ADD3: variants seen among roughly 807,000 people sequenced by gnomAD.
ADD3 encodes adducin 3, also known as gamma-adducin.
In ADD3, 25 loss-of-function variants were observed where a neutral mutation model predicts 80.2. That is an observed-to-expected ratio of 0.31 (90% CI 0.23 to 0.44). ADD3 has a LOEUF of 0.44. Among genes scored for constraint, ADD3 ranks in the 20% least tolerant of loss-of-function variants. The probability of loss-of-function intolerance (pLI) is 1.00; values close to 1 mark genes in which losing one functional copy is unlikely to be tolerated. For missense variants in ADD3, 829 were observed against 847.5 expected, an observed-to-expected ratio of 0.98 and a Z score of 0.27; for synonymous variants, 284 against 289.6, an observed-to-expected ratio of 0.98 and a Z score of 0.20.
intron 1 of ADD3, among the ~76,000 whole-genome samples, chr10:110,092,238 A>G (rs553282363): frequency 4.2e-4 from 64 of 152,318 alleles, no homozygotes; most frequent in African/African-American, 5.5e-4. Context: ...AGGAATATAA[A>G]TTATTCTACC....
chr10:110,008,450 G>A (rs563675266), intron 1 of ADD3, 151 bp downstream of exon 1: 159 of 153,102 alleles, frequency 1.0e-3, no homozygotes, highest in African/African-American at 3.8e-3. Flanking sequence ...ACTTCTCATT[G>A]GCTGTCCCTG....
At chr10:110,013,805 T>G (rs1444786962) in intron 1 of ADD3, among the ~76,000 whole-genome samples, 2 of 152,232 alleles carry the variant, frequency 1.3e-5, no homozygotes, top group African/African-American at 4.8e-5. Flanking sequence ...CTCAGCCTGT[T>G]TAACTCTGCC....
At chr10:110,131,073 T>TA (rs962891092) in intron 13 of ADD3, among the ~76,000 whole-genome samples, 3 of 152,210 alleles carry the variant, frequency 2.0e-5, no homozygotes, top group African/African-American at 7.2e-5. Context: ...TGATGCTTTG[T>TA]AAAATCTCTA....
chr10:110,088,428 A>T (rs569151235), intron 1 of ADD3, among the ~76,000 whole-genome samples: 1 of 152,318 alleles, frequency 6.6e-6, no homozygotes, highest in South Asian at 2.1e-4. Flanking sequence ...ACCAAAAAGT[A>T]TTTTTGCAAG....
At chr10:110,113,017 TTA>T (rs1172789082) in intron 3 of ADD3, 102 bp downstream of exon 3, 19 of 1,239,252 alleles carry the variant, frequency 1.5e-5, no homozygotes, top group Non-Finnish European at 2.0e-5. Flanking sequence ...GTCCTTAAGT[TTA>T]TAACATCTAA....
upstream of ADD3, among the ~76,000 whole-genome samples, chr10:110,003,469 T>C (rs1176084172): frequency 6.6e-6 from 1 of 150,820 alleles, no homozygotes; most frequent in Non-Finnish European, 1.5e-5. Flanking sequence ...ATACCTTATA[T>C]TTACATAGTG....
chr10:110,088,209 G>C (rs1394819880), intron 1 of ADD3, among the ~76,000 whole-genome samples: 3 of 152,128 alleles, frequency 2.0e-5, no homozygotes, highest in Non-Finnish European at 4.4e-5. Flanking sequence ...AGCTTCTGGG[G>C]ACATGAATTT....
intron 1 of ADD3, among the ~76,000 whole-genome samples, chr10:110,052,984 C>G (rs1465557777): frequency 6.6e-6 from 1 of 151,986 alleles, no homozygotes; most frequent in Non-Finnish European, 1.5e-5. Context: ...CTGAGGTGGG[C>G]AAAATACCTG....
rs1442106859 is a variant in ADD3, at chr10:110,117,481, TC to T, written c.567+60del. 8.7e-6 allele frequency: 9 copies of T among 1,031,920 alleles called. No individual in the cohort carries two copies. The Admixed American group carries it at 1.6e-4, about 18-fold the overall frequency. 63.9% of individuals were successfully genotyped at this position (1,031,920 alleles called of 1,614,324 possible). A position where few individuals can be genotyped will look rare whatever the true frequency, so the allele number is the denominator to read the frequency against. ...AGCTTTCTTTGGCTTTTCTGACAGT[TC>T]TTAGCTTTTAGCACAGGACAGAATA... On this transcript the variant is annotated intron_variant, in intron 5 of 14. Transcript: ENST00000356080.
intron 9 of ADD3, 31 bp from the exon 10 acceptor site, chr10:110,123,986 A>G: frequency 1.9e-6 from 3 of 1,604,324 alleles, no homozygotes; most frequent in Non-Finnish European, 2.6e-6. Context: ...TACAGGTTTG[A>G]TGCTTCAAAT....
intron 9 of ADD3, among the ~76,000 whole-genome samples, chr10:110,122,708 A>G (rs1851670103): frequency 6.6e-6 from 1 of 151,650 alleles, no homozygotes; most frequent in South Asian, 2.1e-4. Flanking sequence ...TGCAGTCTCA[A>G]CCTGCTGGGC....
At chr10:110,067,594 T>G (rs1210842320) in intron 1 of ADD3, among the ~76,000 whole-genome samples, 1 of 152,224 alleles carries the variant, frequency 6.6e-6, no homozygotes, top group African/African-American at 2.4e-5. Flanking sequence ...TGAGAATTAT[T>G]TCTATAAGCT....
At chr10:110,067,485 T>C (rs1375495341) in intron 1 of ADD3, among the ~76,000 whole-genome samples, 1 of 152,212 alleles carries the variant, frequency 6.6e-6, no homozygotes, top group African/African-American at 2.4e-5. Flanking sequence ...AGGAATGAGT[T>C]TAAAGAGGTT....
intron 1 of ADD3, among the ~76,000 whole-genome samples, chr10:110,040,944 CGCTCTCTCTG>C (rs1403949450): frequency 3.1e-5 from 3 of 95,632 alleles, no homozygotes; most frequent in African/African-American, 1.0e-4. Flanking sequence ...CTCTCTCTCT[CGCTCTCTCTG>C]TCTCTCTCTG....
intron 1 of ADD3, among the ~76,000 whole-genome samples, chr10:110,095,097 A>C (rs1006165437): frequency 2.0e-5 from 3 of 152,230 alleles, no homozygotes; most frequent in Admixed American, 2.0e-4. Flanking sequence ...GATATAGTAA[A>C]GTAACTTAAT....
intron 2 of ADD3, among the ~76,000 whole-genome samples, chr10:110,109,995 G>C (rs1015145679): frequency 1.3e-5 from 2 of 152,208 alleles, no homozygotes; most frequent in African/African-American, 4.8e-5. Flanking sequence ...ACTAGATACC[G>C]GCAATAGAAC....
chr10:110,016,178 G>T (rs1011917644), intron 1 of ADD3, among the ~76,000 whole-genome samples: 3 of 152,124 alleles, frequency 2.0e-5, no homozygotes, highest in Admixed American at 6.5e-5. Context: ...TTTAATTTGG[G>T]CTCAAAGGGA....
intron 1 of ADD3, among the ~76,000 whole-genome samples, chr10:110,015,621 G>A (rs1010250116): frequency 1.3e-5 from 2 of 151,888 alleles, no homozygotes; most frequent in African/African-American, 4.8e-5. Flanking sequence ...TGATCCGTCC[G>A]CCTCGGCCTC....
rs568629103 is a variant in ADD3, at chr10:110,133,471, C to A, written c.1974C>A (p.Ile658=). The change falls in exon 15 of 15, where the codon ATC becomes ATA. Residue 658 remains isoleucine (I), a synonymous_variant. Coordinates refer to ENST00000356080, the MANE Select transcript of ADD3 (RefSeq NM_016824.5). The stretch of plus-strand genomic sequence containing the variant: ...GCACAAGTACAACCATAGAAAACAT[C>A]GAGATTACTATTAAGTCTCCAGAGA... ...RLSTSTTIEN[I]EITIKSPEKI... The A allele has an allele frequency of 1.2e-6, 2 of 1,613,800 alleles. No homozygotes were observed. The highest frequency in any genetic ancestry group is 2.2e-5 in the East Asian group (1 of 44,856).
Sources: gnomAD v4.1 joint callset for allele counts (sites outside exome capture counted in the v4.1 genomes callset) on GRCh38, gnomAD v4.1.1 for gene constraint, MANE v1.5 for transcripts, NCBI Gene and HGNC (gene_info 2026-07-23, HGNC 2026-07-21) for gene names.